Variants in PTPRT observed in about 807,000 individuals in gnomAD.
The protein encoded by PTPRT is protein tyrosine phosphatase receptor type T.
PTPRT carries 56 observed loss-of-function variants against 176.8 expected under a neutral mutation model. The ratio of observed to expected loss-of-function variants is 0.32; its 90% confidence interval spans 0.26 to 0.40. The LOEUF (loss-of-function observed/expected upper bound fraction) is 0.40, where lower values mean the gene tolerates loss of function less well. Among genes scored for constraint, PTPRT ranks in the 10% least tolerant of loss-of-function variants. PTPRT has a pLI of 1.00. For synonymous variants in PTPRT, 783 were observed against 739.0 expected (o/e 1.06, Z -0.96); for missense variants, 1,540 against 1,908.2 (o/e 0.81, Z 3.60).
chr20:42,064,180 G>A, the PTPRT span, among the ~76,000 whole-genome samples: 1 of 151,972 alleles, frequency 6.6e-6, no homozygotes, highest in Non-Finnish European at 1.5e-5. Context: ...GGTACTATGT[G>A]GTGTTAATTA....
intron 2 of PTPRT, among the ~76,000 whole-genome samples, chr20:42,875,750 A>T (rs2078919361): frequency 6.6e-6 from 1 of 152,178 alleles, no homozygotes; most frequent in Non-Finnish European, 1.5e-5. Context: ...TACACTCCTA[A>T]GTGGCCACAG....
intron 12 of PTPRT, among the ~76,000 whole-genome samples, chr20:42,296,448 A>AC (rs71335853): frequency 0.24 from 35,000 of 144,284 alleles, 4,181 homozygotes; most frequent in South Asian, 0.34. Context: ...TCTGTCTCAA[A>AC]AAAAAAAAAA....
chr20:43,188,462 C>A (rs1026341096), intron 1 of PTPRT, among the ~76,000 whole-genome samples: 1 of 152,256 alleles, frequency 6.6e-6, no homozygotes, highest in East Asian at 1.9e-4. Context: ...ACCTCAGACG[C>A]AGCTTGTGCA....
At chr20:42,085,272 G>A (rs1983770688) in intron 28 of PTPRT, among the ~76,000 whole-genome samples, 1 of 152,098 alleles carries the variant, frequency 6.6e-6, no homozygotes, top group African/African-American at 2.4e-5. Flanking sequence ...AGCTGCATTA[G>A]TTAGCAACCA....
intron 1 of PTPRT, among the ~76,000 whole-genome samples, chr20:43,068,422 C>T (rs930226772): frequency 2.7e-5 from 4 of 148,464 alleles, no homozygotes; most frequent in African/African-American, 7.5e-5. Flanking sequence ...AGAAGAATGG[C>T]GTGAACCCGG....
At chr20:42,182,907 G>GGTGGGT (rs1990581733) in intron 16 of PTPRT, among the ~76,000 whole-genome samples, 1 of 144,606 alleles carries the variant, frequency 6.9e-6, no homozygotes, top group Admixed American at 7.0e-5. Context: ...TACAAGCAGG[G>GGTGGGT]GTGTGTGTGT....
chr20:42,802,737 C>T (rs2077549202), intron 2 of PTPRT, among the ~76,000 whole-genome samples: 1 of 152,160 alleles, frequency 6.6e-6, no homozygotes. Context: ...TTCTTGCCTC[C>T]CTTCTCCTGC....
At chr20:42,384,467 G>A (rs1207850169) in intron 9 of PTPRT, among the ~76,000 whole-genome samples, 2 of 152,126 alleles carry the variant, frequency 1.3e-5, no homozygotes, top group African/African-American at 4.8e-5. Context: ...CATCCAAAAT[G>A]GCTTGAAGAA....
chr20:42,323,448 A>G (rs970740939), intron 11 of PTPRT, among the ~76,000 whole-genome samples: 6 of 152,214 alleles, frequency 3.9e-5, no homozygotes, highest in Admixed American at 2.6e-4. Flanking sequence ...TGATGAGTTC[A>G]TGTCCTTTGT....
At chr20:42,627,276 CTATTT>C (rs958976743) in intron 7 of PTPRT, among the ~76,000 whole-genome samples, 9 of 151,348 alleles carry the variant, frequency 5.9e-5, no homozygotes, top group Admixed American at 2.0e-4. Flanking sequence ...TTCTTTCTTT[CTATTT>C]TATTTTATTT....
intron 1 of PTPRT, among the ~76,000 whole-genome samples, chr20:43,071,420 T>G (rs1174153910): frequency 6.6e-6 from 1 of 152,054 alleles, no homozygotes. Context: ...AGCCTCAGAG[T>G]GCAGCCTCAA....
chr20:43,165,307 T>C (rs2014827357), intron 1 of PTPRT, among the ~76,000 whole-genome samples: 1 of 151,944 alleles, frequency 6.6e-6, no homozygotes, highest in Non-Finnish European at 1.5e-5. Flanking sequence ...TACAGGCGCC[T>C]GCCACAATCA....
intron 7 of PTPRT, among the ~76,000 whole-genome samples, chr20:42,662,381 C>T (rs545467687): frequency 1.4e-4 from 21 of 152,198 alleles, no homozygotes; most frequent in Non-Finnish European, 8.8e-5. Context: ...GGACTCTAAT[C>T]GGACTCAGTA....
At chr20:42,697,194 C>A (rs2075893741) in intron 6 of PTPRT, among the ~76,000 whole-genome samples, 1 of 152,134 alleles carries the variant, frequency 6.6e-6, no homozygotes, top group South Asian at 2.1e-4. Flanking sequence ...GTTTCAGAAT[C>A]ACCATTGAAG....
chr20:42,519,154 T>C (rs867679954), intron 7 of PTPRT, among the ~76,000 whole-genome samples: 1 of 152,150 alleles, frequency 6.6e-6, no homozygotes. Flanking sequence ...CTTCTTAACA[T>C]TGGCAGCCAC....
chr20:42,650,111 T>C lies in PTPRT; in HGVS notation c.1153+27755A>G, dbSNP rs186990481. Among the ~76,000 whole-genome samples the C allele has an allele frequency of 2.6e-5, 4 of 152,246 alleles. No homozygotes were observed. The East Asian group carries it at 7.7e-4, about 29-fold the overall frequency. On this transcript the variant is annotated intron_variant, in intron 7 of 30. Coordinates refer to ENST00000373187, the MANE Select transcript of PTPRT (RefSeq NM_007050.6). ...TCATTGCCAGAAAAAAATAATCCCA[T>C]CTCAGGAAGTAAGAAGGTACAAACA...
At chr20:42,237,574 G>A (rs1228739863) in intron 14 of PTPRT, among the ~76,000 whole-genome samples, 5 of 152,220 alleles carry the variant, frequency 3.3e-5, no homozygotes, top group Non-Finnish European at 7.3e-5. Context: ...ATACTTTGAA[G>A]TTTCATTTAA....
chr20:42,965,042 A>C (rs932250785), intron 1 of PTPRT, among the ~76,000 whole-genome samples: 1 of 152,240 alleles, frequency 6.6e-6, no homozygotes, highest in African/African-American at 2.4e-5. Flanking sequence ...ATTTATAAAC[A>C]AGTTCAGTAA....
intron 7 of PTPRT, among the ~76,000 whole-genome samples, chr20:42,656,003 G>A (rs928013964): frequency 6.6e-6 from 1 of 152,182 alleles, no homozygotes; most frequent in South Asian, 2.1e-4. Context: ...ACCATCAAGT[G>A]CAGAAATCAG....
Sources: allele counts gnomAD v4.1 joint callset (sites outside exome capture counted in the v4.1 genomes callset), GRCh38; gene constraint gnomAD v4.1.1; transcripts MANE v1.5; gene names NCBI Gene and HGNC (gene_info 2026-07-23, HGNC 2026-07-21).